PTGS2: variants seen among roughly 807,000 people sequenced by gnomAD.
The protein encoded by PTGS2 is prostaglandin G/H synthase 2.
PTGS2 carries 14 observed loss-of-function variants against 63.8 expected under a neutral mutation model. The ratio of observed to expected loss-of-function variants is 0.22; its 90% CI spans 0.14 to 0.34. The LOEUF is 0.34. Ranked by LOEUF, PTGS2 falls within the 10% of genes least tolerant of loss-of-function variation. PTGS2 has a pLI of 1.00. For synonymous variants in PTGS2, 271 were observed against 259.5 expected (o/e 1.04, Z -0.43); for missense variants, 533 against 738.5 (o/e 0.72, Z 3.23).
chr1:186,674,820 C>G (rs1300086549), intron 9 of PTGS2, 58 bp from the exon 10 acceptor site: 2 of 1,504,104 alleles, frequency 1.3e-6, no homozygotes, highest in Non-Finnish European at 1.8e-6. Flanking sequence ...AAATAAAAAA[C>G]AGTTTGATTC....
intron 7 of PTGS2, 130 bp downstream of exon 7, chr1:186,676,337 C>T (rs534233484): frequency 2.7e-5 from 38 of 1,389,192 alleles, no homozygotes; most frequent in African/African-American, 1.9e-4. Context: ...GTCATGCTTA[C>T]ATATTTAATG....
intron 1 of PTGS2, among the ~76,000 whole-genome samples, chr1:186,679,738 C>G (rs1665843088): frequency 6.6e-6 from 1 of 152,148 alleles, no homozygotes; most frequent in Non-Finnish European, 1.5e-5. Flanking sequence ...TAGCACTTCA[C>G]TTTCCAAATT....
At position 186,673,668 on chromosome 1, in the gene PTGS2, C is replaced by A. The variant is rs1267665607; in HGVS notation, c.*685G>T. 6.6e-6 allele frequency: 1 copy of A among 152,168 alleles called. No homozygotes were observed. The highest frequency in any genetic ancestry group is 1.5e-5 in the Non-Finnish European group (1 of 68,006). 9.4% of individuals were successfully genotyped at this position (152,168 alleles called of 1,614,324 possible). On this transcript the variant is annotated 3_prime_UTR_variant, in exon 10 of 10. Coordinates refer to ENST00000367468, the MANE Select transcript of PTGS2 (RefSeq NM_000963.4). ...GAACATCACTTATAAAATATTTTAA[C>A]AAGCAATTGTAGTAAAATTTCTACT...
intron 8 of PTGS2, 136 bp downstream of exon 8, chr1:186,675,762 C>T: frequency 1.3e-5 from 13 of 991,354 alleles, no homozygotes; most frequent in Non-Finnish European, 1.9e-5. Flanking sequence ...AGTTAGGCTT[C>T]TTATATCAAT....
chr1:186,679,236 A>G (rs573557303), intron 2 of PTGS2, 35 bp from the exon 3 acceptor site: 1 of 1,612,838 alleles, frequency 6.2e-7, no homozygotes, highest in East Asian at 2.2e-5. Context: ...GGAGAAATTA[A>G]TGGGACTCAT....
Position 186,677,792 on chromosome 1 carries a change from T to C in PTGS2, c.496A>G (p.Lys166Glu). 1 of 1,613,564 alleles carries C rather than the reference T, an allele frequency of 6.2e-7. No homozygotes were observed. Among genetic ancestry groups the C allele is most frequent in the Non-Finnish European group, 8.5e-7 (1 of 1,179,838 alleles). Residue 166 changes from lysine (K) to glutamate (E), a missense_variant, in exon 5 of 10, where the codon AAA becomes GAA. By Grantham distance (56) the Lys-to-Glu change is moderately conservative. Coordinates refer to ENST00000367468, the MANE Select transcript of PTGS2 (RefSeq NM_000963.4). The stretch of plus-strand genomic sequence containing the variant: ...ATGAACTTTCTTCTTAGAAGCAATT[T>C]TTCCACAATCTCATTTGAATCAGGA... The part of the protein sequence containing the change: ...QLPDSNEIVE[K>E]LLLRRKFIPD...
intron 9 of PTGS2, among the ~76,000 whole-genome samples, 171 bp from the exon 10 acceptor site, chr1:186,674,933 C>T (rs1418216446): frequency 6.6e-6 from 1 of 152,246 alleles, no homozygotes. Context: ...AATCCCAGCA[C>T]TTCGGGAGGC....
chr1:186,676,758 G>A (rs1470981597), intron 6 of PTGS2, 45 bp from the exon 7 acceptor site: 2 of 1,597,346 alleles, frequency 1.3e-6, no homozygotes, highest in Admixed American at 1.7e-5. Flanking sequence ...AAAAGTTAAG[G>A]AACACATTTT....
At chr1:186,675,166 G>A (rs1234741639) in intron 9 of PTGS2, 83 bp downstream of exon 9, 4 of 1,546,400 alleles carry the variant, frequency 2.6e-6, no homozygotes, top group Non-Finnish European at 3.5e-6. Flanking sequence ...GACAGAGGGC[G>A]GCTCCATCTC....
Position 186,674,259 on chromosome 1 carries a change from G to T in PTGS2, c.*94C>A. 1.2e-6 allele frequency: 1 copy of T among 815,648 alleles called. No homozygotes were observed. Among genetic ancestry groups the T allele is most frequent in the Non-Finnish European group, 1.6e-6 (1 of 606,684 alleles). 50.5% of individuals were successfully genotyped at this position (815,648 alleles called of 1,614,324 possible). On this transcript the variant is annotated 3_prime_UTR_variant, in exon 10 of 10. Transcript: ENST00000367468. ...AGTACTGACTTCTGTTACAGAAGAT[G>T]TTAAGTAACATAAGGAGTTTAATAT...
In PTGS2 at chr1:186,675,940, A is replaced by G. The variant is rs1235632768; in HGVS notation, c.1215T>C (p.Ile405=). 6 of 1,613,980 alleles carry G rather than the reference A, an allele frequency of 3.7e-6. No individual in the cohort carries two copies. In the Admixed American group the frequency reaches 5.0e-5, roughly 13 times the overall value. ...YNNSILLEHG[I]TQFVESFTRQ... is the part of the protein sequence containing the mutation. ...TGGTGAATGATTCAACAAACTGGGT[A>G]ATTCCATGTTCCAGCAATATAGAGT... is the stretch of plus-strand genomic sequence containing the variant. Residue 405 remains isoleucine, a synonymous_variant, in exon 8 of 10, where the codon ATT becomes ATC. Transcript: ENST00000367468.
chr1:186,677,032 T>A lies in PTGS2; in HGVS notation c.640-116A>T. 1.2e-5 allele frequency: 9 copies of A among 758,942 alleles called. No individual in the cohort carries two copies. The South Asian group carries it at 1.7e-4, about 15-fold the overall frequency. 47.0% of individuals were successfully genotyped at this position (758,942 alleles called of 1,614,324 possible). A position where few individuals can be genotyped will look rare whatever the true frequency, so the allele number is the denominator to read the frequency against. On this transcript the variant is annotated intron_variant, in intron 5 of 9. Transcript: ENST00000367468. Reference sequence around the variant, plus strand: ...ATCATTTAGCTTTCTTTAAAATTTTTAAATAAAATATACATTTTTCATAGC... The same window carrying A: ...ATCATTTAGCTTTCTTTAAAATTTTAAAATAAAATATACATTTTTCATAGC...
intron 9 of PTGS2, among the ~76,000 whole-genome samples, 159 bp from the exon 10 acceptor site, chr1:186,674,921 G>T (rs1457329489): frequency 1.3e-5 from 2 of 152,254 alleles, no homozygotes; most frequent in African/African-American, 4.8e-5. Flanking sequence ...GCTCACGCCT[G>T]TAATCCCAGC....
chr1:186,675,626 C>T lies in PTGS2; in HGVS notation c.1258-230G>A, dbSNP rs1665766598. The T allele has an allele frequency of 4.8e-6, 3 of 624,916 alleles. No individual in the cohort carries two copies. The South Asian group carries it at 7.0e-5, about 15-fold the overall frequency. 38.7% of individuals were successfully genotyped at this position (624,916 alleles called of 1,614,324 possible). A position where few individuals can be genotyped will look rare whatever the true frequency, so the allele number is the denominator to read the frequency against. On this transcript the variant is annotated intron_variant, in intron 8 of 9. Transcript: ENST00000367468. Reference sequence around the variant, plus strand: ...ACATTTCAAAAATAACACTAGTATTCAAGCCTAAAATATTTATTCCTATAA... The same window carrying T: ...ACATTTCAAAAATAACACTAGTATTTAAGCCTAAAATATTTATTCCTATAA...
In PTGS2 at chr1:186,672,550, T is replaced by C. The variant is rs4648298; in HGVS notation, c.*1803A>G. 2,620 of 152,640 alleles carry C rather than the reference T, an allele frequency of 0.017. 40 individuals are homozygous for C. The highest frequency in any genetic ancestry group is 0.025 in the South Asian group (119 of 4,826). 9.5% of individuals were successfully genotyped at this position (152,640 alleles called of 1,614,324 possible). On this transcript the variant is annotated 3_prime_UTR_variant, in exon 10 of 10. Transcript: ENST00000367468. ...TCAATGATTGTAGGCTTAAACACAG[T>C]TTATAACCATAGTGTCCTAATAAGA...
rs902384582 is a variant in PTGS2, at chr1:186,680,422, T to C, written c.-132A>G. 12 of 607,636 alleles carry C rather than the reference T, an allele frequency of 2.0e-5. No individual in the cohort carries two copies. The highest frequency in any genetic ancestry group is 2.8e-5 in the Non-Finnish European group (10 of 359,910). 37.6% of individuals were successfully genotyped at this position (607,636 alleles called of 1,614,324 possible). On this transcript the variant is annotated 5_prime_UTR_variant, in exon 1 of 10. Transcript: ENST00000367468. ...ACGCTCACTGCAAGTCGTATGACAATTGGTCGCTAACCGAGAGAACCTTCC... is the reference window on the plus strand; with the variant it reads ...ACGCTCACTGCAAGTCGTATGACAACTGGTCGCTAACCGAGAGAACCTTCC...
rs201938310 is a variant in PTGS2 at position 186,678,316 on chromosome 1, A to G, written c.402T>C (p.Tyr134=). 1.1e-5 allele frequency: 17 copies of G among 1,613,522 alleles called. No homozygotes were observed. Among genetic ancestry groups the G allele is most frequent in the African/African-American group, 2.7e-5 (2 of 74,920 alleles). ...SWEAFSNLSY[Y]TRALPPVPDD... is the part of the protein sequence containing the mutation. ...CAGGCACAGGAGGAAGGGCTCTAGT[A>G]TAATAGGAGAGGTTAGAGAAGGCTT... Residue 134 remains tyrosine, a synonymous_variant, in exon 4 of 10, where the codon TAT becomes TAC. Transcript: ENST00000367468.
intron 4 of PTGS2, 34 bp from the exon 5 acceptor site, chr1:186,677,864 C>A: frequency 1.9e-6 from 3 of 1,592,144 alleles, no homozygotes; most frequent in Non-Finnish European, 2.6e-6. Flanking sequence ...AAGAATCCAT[C>A]TATGTATTCA....
chr1:186,674,524 G>A lies in PTGS2; in HGVS notation c.1644C>T (p.Ala548=), dbSNP rs1467523637. 6.2e-7 allele frequency: 1 copy of A among 1,614,174 alleles called. No individual in the cohort carries two copies. Among genetic ancestry groups the A allele is most frequent in the Admixed American group, 1.7e-5 (1 of 60,024 alleles). The part of the protein sequence containing the change: ...GEVGFQIINT[A]SIQSLICNNV... ...TATTGCAGATGAGAGACTGAATTGA[G>A]GCAGTGTTGATGATTTGAAAACCCA... The change falls in exon 10 of 10, where the codon GCC becomes GCT. Residue 548 remains alanine, a synonymous_variant. Coordinates refer to ENST00000367468, the MANE Select transcript of PTGS2 (RefSeq NM_000963.4).
Sources: allele counts gnomAD v4.1 joint callset (sites outside exome capture counted in the v4.1 genomes callset), GRCh38; gene constraint gnomAD v4.1.1; transcripts MANE v1.5; gene names NCBI Gene and HGNC (gene_info 2026-07-23, HGNC 2026-07-21).